The following CSGALNACT2 variants were observed in gnomAD, a reference collection of about 807,000 sequenced individuals.
CSGALNACT2 encodes beta 4 GalNAcT-2.
In CSGALNACT2, 35 loss-of-function variants were observed where a neutral mutation model predicts 55.3. The observed-to-expected ratio is 0.63, with a 90% CI of 0.48 to 0.84. The LOEUF is 0.84. CSGALNACT2 is among the 40% of genes least tolerant of loss of function. The pLI, the probability that CSGALNACT2 is intolerant of heterozygous loss-of-function variation, is 0.00. For missense variants in CSGALNACT2, 544 were observed against 657.5 expected (o/e 0.83, Z 1.89); for synonymous variants, 196 against 224.9 (o/e 0.87, Z 1.15).
chr10:43,145,341 A>G (rs1038117476), intron 1 of CSGALNACT2, among the ~76,000 whole-genome samples: 3 of 149,206 alleles, frequency 2.0e-5, no homozygotes, highest in African/African-American at 4.9e-5. Flanking sequence ...AGTCCATCCT[A>G]TTGGAAAGTC....
rs1287700599 is a variant in CSGALNACT2, at chr10:43,155,395, A to G, written c.246A>G (p.Leu82=). The G allele has an allele frequency of 4.3e-6, 7 of 1,614,104 alleles. No homozygotes were observed. Among genetic ancestry groups the G allele is most frequent in the Non-Finnish European group, 8.5e-7 (1 of 1,180,044 alleles). ...GTCTGAAACGCCAAATTGCCCAACT[A>G]AAACAAGAATTACAAGAAATGAGTG... ...ATSLKRQIAQ[L]KQELQEMSEK... The change falls in exon 2 of 8, where the codon CTA becomes CTG. Residue 82 remains leucine, a synonymous_variant. Transcript: ENST00000374466.
At chr10:43,151,370 T>G (rs1210393818) in intron 1 of CSGALNACT2, among the ~76,000 whole-genome samples, 1 of 152,226 alleles carries the variant, frequency 6.6e-6, no homozygotes, top group Non-Finnish European at 1.5e-5. Flanking sequence ...TTTTAAGATG[T>G]ATTGGCAGGA....
At chr10:43,147,259 G>A (rs11238453) in intron 1 of CSGALNACT2, among the ~76,000 whole-genome samples, 1 of 152,136 alleles carries the variant, frequency 6.6e-6, no homozygotes, top group African/African-American at 2.4e-5. Context: ...ACAGGCGTGA[G>A]CCACCGCGCC....
At chr10:43,153,090 G>A (rs1422201615) in intron 1 of CSGALNACT2, among the ~76,000 whole-genome samples, 1 of 151,824 alleles carries the variant, frequency 6.6e-6, no homozygotes, top group African/African-American at 2.4e-5. Context: ...CAGGCGCGGT[G>A]GCTAATCCCA....
chr10:43,165,260 A>C (rs1166603548), intron 5 of CSGALNACT2, among the ~76,000 whole-genome samples: 1 of 152,126 alleles, frequency 6.6e-6, no homozygotes, highest in African/African-American at 2.4e-5. Context: ...CAACAGGATG[A>C]GTAAGTTGAG....
intron 6 of CSGALNACT2, among the ~76,000 whole-genome samples, chr10:43,174,601 C>T (rs1022984255): frequency 9.9e-5 from 15 of 152,206 alleles, no homozygotes; most frequent in Admixed American, 7.2e-4. Flanking sequence ...CATTCAATCA[C>T]TTGCTGACTT....
intron 6 of CSGALNACT2, among the ~76,000 whole-genome samples, chr10:43,173,649 G>A (rs1839423703): frequency 6.6e-6 from 1 of 152,018 alleles, no homozygotes; most frequent in Admixed American, 6.6e-5. Context: ...GTCAAAGTGG[G>A]TGTTTTGCTT....
rs911917728 is a variant in CSGALNACT2, at chr10:43,160,573, T to A, written c.958T>A (p.Ser320Thr). The change falls in exon 4 of 8, where the codon TCT becomes ACT. Residue 320 changes from serine (S) to threonine (T), a missense_variant. Physicochemically the swap from Ser to Thr is moderately conservative, Grantham distance 58 (BLOSUM62 1). Around this residue, in one of 2 missense-constraint regions of CSGALNACT2, gnomAD observed 374 missense variants for 401.3 expected, o/e 0.93. Coordinates refer to ENST00000374466, the MANE Select transcript of CSGALNACT2 (RefSeq NM_018590.5). ...TAAAGAAGGACTGTCTAAAGTCAAG[T>A]CTATCCTAGAATCTGTCACCAGGTT... ...FGKEGLSKVK[S>T]ILESVTSESN... The A allele has an allele frequency of 1.9e-6, 3 of 1,565,420 alleles. No homozygotes were observed. Among genetic ancestry groups the A allele is most frequent in the Non-Finnish European group, 2.6e-6 (3 of 1,136,304 alleles).
At chr10:43,149,882 A>G (rs1399126642) in intron 1 of CSGALNACT2, among the ~76,000 whole-genome samples, 2 of 152,196 alleles carry the variant, frequency 1.3e-5, no homozygotes, top group Non-Finnish European at 2.9e-5. Flanking sequence ...AGCCTGACCA[A>G]CATGGAGAAA....
intron 2 of CSGALNACT2, among the ~76,000 whole-genome samples, chr10:43,156,278 T>A (rs1444500930): frequency 6.6e-6 from 1 of 152,216 alleles, no homozygotes; most frequent in Non-Finnish European, 1.5e-5. Context: ...GGGTTATACA[T>A]AGTTTAAAAA....
chr10:43,144,553 C>G (rs751302981), intron 1 of CSGALNACT2, among the ~76,000 whole-genome samples: 6 of 73,808 alleles, frequency 8.1e-5, no homozygotes, highest in Non-Finnish European at 1.6e-4. Context: ...CTTCAGTAAA[C>G]AAACTGGAGG....
Position 43,155,585 on chromosome 10 carries a change from A to T in CSGALNACT2, c.436A>T (p.Ile146Phe), listed in dbSNP as rs751349856. ...CAAACTACCCAGTGAGTATGGGGTCATTCCCTTTGAAAGTTTTACCTTAAT... is the reference window on the plus strand; with the variant it reads ...CAAACTACCCAGTGAGTATGGGGTCTTTCCCTTTGAAAGTTTTACCTTAAT... ...GAKLPSEYGV[I>F]PFESFTLMKV... Residue 146 changes from isoleucine to phenylalanine, a missense_variant, in exon 2 of 8, where the codon ATT (isoleucine) becomes TTT (phenylalanine). Around this residue, in one of 2 missense-constraint regions of CSGALNACT2, gnomAD observed 374 missense variants for 401.3 expected, o/e 0.93. Coordinates refer to ENST00000374466, the MANE Select transcript of CSGALNACT2 (RefSeq NM_018590.5). The T allele has an allele frequency of 6.2e-7, 1 of 1,614,230 alleles. No individual in the cohort carries two copies. Among genetic ancestry groups the T allele is most frequent in the Admixed American group, 1.7e-5 (1 of 60,030 alleles).
intron 4 of CSGALNACT2, 118 bp downstream of exon 4, chr10:43,160,713 G>A (rs914939789): frequency 1.4e-5 from 9 of 642,104 alleles, no homozygotes; most frequent in Non-Finnish European, 2.2e-5. Context: ...GGCTGAGCAT[G>A]TGGGCGGTGG....
At chr10:43,166,143 A>G (rs1839260337) in intron 5 of CSGALNACT2, among the ~76,000 whole-genome samples, 1 of 152,202 alleles carries the variant, frequency 6.6e-6, no homozygotes, top group Non-Finnish European at 1.5e-5. Context: ...TACAGCATGA[A>G]ATGCAAAATG....
intron 1 of CSGALNACT2, among the ~76,000 whole-genome samples, chr10:43,154,320 A>T (rs948607380): frequency 2.6e-5 from 4 of 152,282 alleles, no homozygotes; most frequent in Non-Finnish European, 4.4e-5. Flanking sequence ...GAACAGTAGA[A>T]TATATGTAAT....
chr10:43,173,611 A>G (rs539936478), intron 6 of CSGALNACT2, among the ~76,000 whole-genome samples: 1 of 152,250 alleles, frequency 6.6e-6, no homozygotes, highest in African/African-American at 2.4e-5. Flanking sequence ...TAGTACTTAT[A>G]TAATCAGAAT....
chr10:43,141,275 T>C (rs975871745), intron 1 of CSGALNACT2, among the ~76,000 whole-genome samples: 1 of 151,940 alleles, frequency 6.6e-6, no homozygotes, highest in South Asian at 2.1e-4. Context: ...TGGAGTGCAG[T>C]GGCGCCATCT....
At chr10:43,177,556 A>G (rs578015835) in intron 7 of CSGALNACT2, among the ~76,000 whole-genome samples, 4 of 152,272 alleles carry the variant, frequency 2.6e-5, no homozygotes, top group Admixed American at 1.3e-4. Flanking sequence ...TCACTCACAT[A>G]ATGTTTTCAA....
chr10:43,175,933 T>G lies in CSGALNACT2; in HGVS notation c.1255-18T>G, dbSNP rs1382475781. On this transcript the variant is annotated intron_variant, in intron 6 of 7. Transcript: ENST00000374466. ...TTATGGAATTAAATTGTTTTCTGTT[T>G]TTTTTTTTTTAACTAAGGTTCACAA... 2.1e-6 allele frequency: 3 copies of G among 1,454,394 alleles called. No homozygotes were observed. Among genetic ancestry groups the G allele is most frequent in the Middle Eastern group, 1.8e-4 (1 of 5,550 alleles). 90.1% of individuals were successfully genotyped at this position (1,454,394 alleles called of 1,614,324 possible).
Sources: gnomAD v4.1 joint callset for allele counts (sites outside exome capture counted in the v4.1 genomes callset) on GRCh38, gnomAD v4.1.1 for gene constraint, gnomAD v4.1.1 regional missense constraint, MANE v1.5 for transcripts, NCBI Gene and HGNC (gene_info 2026-07-23, HGNC 2026-07-21) for gene names.